The following TMEM132C variants were observed in gnomAD, a reference collection of about 807,000 sequenced individuals.
The protein encoded by TMEM132C is protein phosphatase 1, regulatory subunit 152.
In TMEM132C, 29 loss-of-function variants were observed where a neutral mutation model predicts 61.4. The observed-to-expected ratio is 0.47, with a 90% CI of 0.35 to 0.64. The LOEUF (loss-of-function observed/expected upper bound fraction) is 0.64, where lower values mean the gene tolerates loss of function less well. Among genes scored for constraint, TMEM132C ranks in the 30% least tolerant of loss-of-function variants. The probability of loss-of-function intolerance (pLI) is 0.00; values close to 1 mark genes in which losing one functional copy is unlikely to be tolerated. For synonymous variants in TMEM132C, 656 were observed against 633.1 expected (o/e 1.04, Z -0.54); for missense variants, 1,408 against 1,476.9 (o/e 0.95, Z 0.76).
rs892401332 is a variant in TMEM132C, at chr12:128,515,982, C to G, written c.975-27975C>G. Among the ~76,000 whole-genome samples the G allele has an allele frequency of 3.9e-5, 6 of 152,236 alleles. No homozygotes were observed. The East Asian group carries it at 1.2e-3, about 29-fold the overall frequency. ...TACACAGGCACGTCGGGCCCATGTCCGTGCCAGCATCACCCGCCCTGTGGT... is the reference window on the plus strand; with the variant it reads ...TACACAGGCACGTCGGGCCCATGTCGGTGCCAGCATCACCCGCCCTGTGGT... On this transcript the variant is annotated intron_variant, in intron 2 of 8. Transcript: ENST00000435159.
At chr12:128,383,781 G>A (rs1874491526) in intron 1 of TMEM132C, among the ~76,000 whole-genome samples, 2 of 152,148 alleles carry the variant, frequency 1.3e-5, no homozygotes, top group South Asian at 4.1e-4. Flanking sequence ...GAGGGAAAAG[G>A]CTAAGCCATT....
chr12:128,693,901 T>A lies in TMEM132C; in HGVS notation c.1522T>A (p.Phe508Ile). The A allele has an allele frequency of 6.4e-7, 1 of 1,551,740 alleles. No individual in the cohort carries two copies. The highest frequency in any genetic ancestry group is 8.7e-7 in the Non-Finnish European group (1 of 1,147,024). The stretch of plus-strand genomic sequence containing the variant: ...AGGAAAGATGGATGCGGTGGTGAAC[T>A]TCACATACCAGTACCTGAGCGCCCC... ...IKGKMDAVVN[F>I]TYQYLSAPLC... is the part of the protein sequence containing the mutation. Residue 508 changes from phenylalanine to isoleucine, a missense_variant, in exon 6 of 9, where the codon TTC becomes ATC. Transcript: ENST00000435159.
chr12:128,706,058 C>T lies in TMEM132C; in HGVS notation c.3090C>T (p.Asp1030=), dbSNP rs375341419. Reference sequence around the variant, plus strand: ...AGAGCCAGATTCACAGGTCAGCCGACTCCGGGGGGCGGCAGGGCAGAGAAC... The same window carrying T: ...AGAGCCAGATTCACAGGTCAGCCGATTCCGGGGGGCGGCAGGGCAGAGAAC... ...HVQSQIHRSA[D]SGGRQGREQK... Residue 1030 remains aspartate (D), a synonymous_variant, in exon 9 of 9, where the codon GAC becomes GAT. Coordinates refer to ENST00000435159, the MANE Select transcript of TMEM132C (RefSeq NM_001136103.3). The T allele has an allele frequency of 5.8e-4, 906 of 1,551,750 alleles. 1 individual carries two copies. The highest frequency in any genetic ancestry group is 1.2e-3 in the Admixed American group (61 of 51,012).
At chr12:128,665,243 A>C (rs774934434) in intron 4 of TMEM132C, among the ~76,000 whole-genome samples, 297 of 151,066 alleles carry the variant, frequency 2.0e-3, no homozygotes, top group Non-Finnish European at 3.5e-3. Flanking sequence ...AGGCTCGCAC[A>C]CACATAGGCA....
intron 2 of TMEM132C, among the ~76,000 whole-genome samples, chr12:128,424,153 G>C (rs111787905): frequency 0.013 from 1,947 of 152,094 alleles, 43 homozygotes; most frequent in African/African-American, 0.045. Context: ...ATTCCCATGG[G>C]AGGGTGAGAG....
chr12:128,325,552 A>G (rs1265945436), intron 1 of TMEM132C, among the ~76,000 whole-genome samples: 1 of 152,258 alleles, frequency 6.6e-6, no homozygotes, highest in East Asian at 1.9e-4. Flanking sequence ...GTATATACAG[A>G]GTGTATATTC....
At chr12:128,524,499 G>A (rs2136130204) in intron 2 of TMEM132C, among the ~76,000 whole-genome samples, 1 of 152,216 alleles carries the variant, frequency 6.6e-6, no homozygotes, top group East Asian at 1.9e-4. Context: ...TTCTCCTGTT[G>A]TTCACCTTTT....
chr12:128,401,169 A>C (rs1425248289), intron 1 of TMEM132C, among the ~76,000 whole-genome samples: 2 of 152,220 alleles, frequency 1.3e-5, no homozygotes, highest in Non-Finnish European at 2.9e-5. Flanking sequence ...AGATTATGTA[A>C]GTACCTATAT....
chr12:128,654,906 G>T (rs1311180848), intron 4 of TMEM132C, among the ~76,000 whole-genome samples: 2 of 152,176 alleles, frequency 1.3e-5, no homozygotes. Flanking sequence ...CCCTGTAAAT[G>T]TTCAGGAGAG....
chr12:128,632,339 A>G (rs1434300201), intron 4 of TMEM132C, among the ~76,000 whole-genome samples: 3 of 151,028 alleles, frequency 2.0e-5, no homozygotes, highest in Admixed American at 6.6e-5. Context: ...AATATTGGCC[A>G]TTATTATTAA....
At chr12:128,304,821 G>A (rs1871714365) in intron 1 of TMEM132C, among the ~76,000 whole-genome samples, 2 of 152,290 alleles carry the variant, frequency 1.3e-5, no homozygotes, top group South Asian at 4.1e-4. Context: ...GGATAAAGGT[G>A]CATCTGGCCA....
At chr12:128,487,645 A>T (rs1871549941) in intron 2 of TMEM132C, among the ~76,000 whole-genome samples, 1 of 150,036 alleles carries the variant, frequency 6.7e-6, no homozygotes, top group South Asian at 2.1e-4. Flanking sequence ...GCATATGTGC[A>T]TGTATACACA....
chr12:128,372,774 C>G (rs554213732), intron 1 of TMEM132C, among the ~76,000 whole-genome samples: 2 of 152,190 alleles, frequency 1.3e-5, no homozygotes, highest in East Asian at 1.9e-4. Context: ...ATACAACCCC[C>G]GAGATTGATG....
chr12:128,603,486 A>G (rs984966414), intron 3 of TMEM132C, among the ~76,000 whole-genome samples: 1 of 152,102 alleles, frequency 6.6e-6, no homozygotes, highest in Admixed American at 6.5e-5. Flanking sequence ...ACCTGCACCC[A>G]CTTGTGCCTC....
chr12:128,433,321 G>C (rs1434082389), intron 2 of TMEM132C, among the ~76,000 whole-genome samples: 1 of 152,168 alleles, frequency 6.6e-6, no homozygotes, highest in Non-Finnish European at 1.5e-5. Context: ...AGAACAAAAA[G>C]ACGACTGTGT....
chr12:128,418,527 G>T (rs570760312), intron 2 of TMEM132C, among the ~76,000 whole-genome samples: 1 of 152,132 alleles, frequency 6.6e-6, no homozygotes, highest in Non-Finnish European at 1.5e-5. Context: ...GACTGAAGGC[G>T]CTTCTTTAAA....
At chr12:128,677,079 C>T (rs146431290) in intron 5 of TMEM132C, among the ~76,000 whole-genome samples, 243 of 152,322 alleles carry the variant, frequency 1.6e-3, no homozygotes, top group Non-Finnish European at 2.9e-3. Context: ...TATGGACAAG[C>T]GCTTGCAATG....
intron 4 of TMEM132C, among the ~76,000 whole-genome samples, chr12:128,625,484 A>C (rs1954005776): frequency 6.6e-6 from 1 of 152,222 alleles, no homozygotes; most frequent in Admixed American, 6.5e-5. Context: ...TAATGGACTT[A>C]CAGTTCCACA....
chr12:128,417,289 A>G (rs1868813303), intron 2 of TMEM132C, among the ~76,000 whole-genome samples: 1 of 152,132 alleles, frequency 6.6e-6, no homozygotes, highest in African/African-American at 2.4e-5. Flanking sequence ...TAGAGTGATC[A>G]TCTTCCCCCT....
Sources: gnomAD v4.1 joint callset for allele counts (sites outside exome capture counted in the v4.1 genomes callset) on GRCh38, gnomAD v4.1.1 for gene constraint, MANE v1.5 for transcripts, NCBI Gene and HGNC (gene_info 2026-07-23, HGNC 2026-07-21) for gene names.